Variants in HDAC9 observed in about 807,000 individuals in gnomAD.
The protein encoded by HDAC9 is histone deacetylase 9.
A neutral mutation model predicts 139.4 loss-of-function variants in HDAC9; 41 were observed. The ratio of observed to expected loss-of-function variants is 0.29; its 90% confidence interval spans 0.23 to 0.38. The LOEUF is 0.38. Among genes scored for constraint, HDAC9 ranks in the 10% least tolerant of loss-of-function variants. The pLI is 1.00. For missense variants in HDAC9, 1,147 were observed against 1,297.0 expected, an observed-to-expected ratio of 0.88 and a Z score of 1.78; for synonymous variants, 517 against 476.2, an observed-to-expected ratio of 1.09 and a Z score of -1.12.
intron 2 of HDAC9, among the ~76,000 whole-genome samples, chr7:18,582,383 G>T (rs149728469): frequency 6.6e-6 from 1 of 152,134 alleles, no homozygotes; most frequent in African/African-American, 2.4e-5. Context: ...TTTAAAAACC[G>T]TGGTAGAATA....
intron 2 of HDAC9, among the ~76,000 whole-genome samples, chr7:18,249,813 T>C (rs927166733): frequency 6.6e-6 from 1 of 152,184 alleles, no homozygotes; most frequent in African/African-American, 2.4e-5. Flanking sequence ...TTTTAATGAA[T>C]AGGTTATACT....
chr7:18,861,867 C>A (rs1160561862), intron 21 of HDAC9, among the ~76,000 whole-genome samples: 1 of 152,142 alleles, frequency 6.6e-6, no homozygotes, highest in Non-Finnish European at 1.5e-5. Flanking sequence ...CACACACACG[C>A]ATATTCCTAA....
At chr7:18,971,404 T>C (rs1022520235) in intron 24 of HDAC9, among the ~76,000 whole-genome samples, 1 of 152,212 alleles carries the variant, frequency 6.6e-6, no homozygotes, top group African/African-American at 2.4e-5. Flanking sequence ...TATTTGACTT[T>C]ATGAATAACA....
intron 1 of HDAC9, chr7:18,430,865 C>T (rs1790579378): frequency 1.3e-5 from 2 of 152,300 alleles, no homozygotes; most frequent in Non-Finnish European, 2.9e-5. Context: ...CCATCCTGGA[C>T]AACAGAGTGA....
intron 2 of HDAC9, among the ~76,000 whole-genome samples, chr7:18,569,621 A>G (rs1008393925): frequency 6.6e-6 from 1 of 152,238 alleles, no homozygotes. Flanking sequence ...TCTGCCAGAA[A>G]TAGAAATTCT....
chr7:18,962,965 T>A (rs1783619322), intron 24 of HDAC9, among the ~76,000 whole-genome samples: 1 of 152,178 alleles, frequency 6.6e-6, no homozygotes, highest in South Asian at 2.1e-4. Flanking sequence ...CCACTTTGTT[T>A]CGATTAAAGG....
intron 2 of HDAC9, 32 bp from the exon 3 acceptor site, chr7:18,585,249 C>A (rs769429748): frequency 3.2e-5 from 51 of 1,606,352 alleles, no homozygotes; most frequent in Non-Finnish European, 3.9e-5. Flanking sequence ...TACCCTCCCC[C>A]ACCCCATTTC....
rs544013003 is a variant in HDAC9 at position 18,789,466 on chromosome 7, A to T, written c.2215-3879A>T. The stretch of plus-strand genomic sequence containing the variant: ...TTCTATTTTTAAGAATTTGCCTTGC[A>T]TGTCTTCTCAACTTTAGCAAGACCT... On this transcript the variant is annotated intron_variant, in intron 16 of 25. Coordinates refer to ENST00000686413, the MANE Select transcript of HDAC9 (RefSeq NM_178425.4). Among the ~76,000 whole-genome samples the T allele has an allele frequency of 8.5e-5, 13 of 152,302 alleles. No homozygotes were observed. The South Asian group carries it at 2.7e-3, about 32-fold the overall frequency.
intron 1 of HDAC9, among the ~76,000 whole-genome samples, chr7:18,409,012 C>T (rs1788277928): frequency 6.6e-6 from 1 of 152,116 alleles, no homozygotes; most frequent in South Asian, 2.1e-4. Context: ...TTTATGCCCT[C>T]CATAAGGATG....
chr7:18,529,827 G>T (rs1159784547), intron 2 of HDAC9, among the ~76,000 whole-genome samples: 1 of 151,930 alleles, frequency 6.6e-6, no homozygotes, highest in South Asian at 2.1e-4. Flanking sequence ...GATCTGATGT[G>T]GTTCATGATT....
chr7:18,244,327 G>A (rs968239111), intron 2 of HDAC9, among the ~76,000 whole-genome samples: 2 of 151,944 alleles, frequency 1.3e-5, no homozygotes, highest in Admixed American at 1.3e-4. Flanking sequence ...GAAATGAAGT[G>A]GTATTTTCTA....
chr7:18,717,440 T>G (rs1042165146), intron 12 of HDAC9, among the ~76,000 whole-genome samples: 1 of 151,756 alleles, frequency 6.6e-6, no homozygotes, highest in Non-Finnish European at 1.5e-5. Context: ...CCTTTTTTTT[T>G]TTTTTTTTGA....
chr7:18,095,988 A>T (rs986048164), intron 1 of HDAC9, among the ~76,000 whole-genome samples: 2 of 152,234 alleles, frequency 1.3e-5, no homozygotes, highest in African/African-American at 4.8e-5. Flanking sequence ...CAGGATAATC[A>T]GGCTTTACAC....
At chr7:18,541,586 A>G (rs1812977428) in intron 2 of HDAC9, among the ~76,000 whole-genome samples, 1 of 152,168 alleles carries the variant, frequency 6.6e-6, no homozygotes, top group South Asian at 2.1e-4. Context: ...ATTTGCTTGC[A>G]AGCATTGTGG....
At chr7:18,672,777 G>T (rs1795741977) in intron 12 of HDAC9, among the ~76,000 whole-genome samples, 2 of 151,918 alleles carry the variant, frequency 1.3e-5, no homozygotes, top group African/African-American at 4.8e-5. Context: ...TTTTCAAAGA[G>T]ATATGAACTT....
rs149295976 is a variant in HDAC9 at position 18,704,714 on chromosome 7, A to T, written c.1732-22866A>T. On this transcript the variant is annotated intron_variant, in intron 12 of 25. Coordinates refer to ENST00000686413, the MANE Select transcript of HDAC9 (RefSeq NM_178425.4). ...TGAAAAATTAAATTTGATTTTAAACATCTGAGGAGCAGGAAAGGTATTCTC... is the reference window on the plus strand; with the variant it reads ...TGAAAAATTAAATTTGATTTTAAACTTCTGAGGAGCAGGAAAGGTATTCTC... Among the ~76,000 whole-genome samples the T allele has an allele frequency of 3.4e-3, 511 of 152,342 alleles. 5 individuals carry two copies. Among genetic ancestry groups the T allele is most frequent in the South Asian group, 0.026 (125 of 4,828 alleles).
chr7:18,967,491 A>G (rs184056223), intron 24 of HDAC9, among the ~76,000 whole-genome samples: 1,400 of 137,868 alleles, frequency 0.01, 39 homozygotes, highest in African/African-American at 0.04. Flanking sequence ...TTTGTAAATA[A>G]AGTTGCCCCC....
intron 12 of HDAC9, among the ~76,000 whole-genome samples, chr7:18,675,275 C>T (rs1328775368): frequency 2.0e-5 from 3 of 151,984 alleles, no homozygotes; most frequent in Non-Finnish European, 2.9e-5. Context: ...CTGCCTCGTA[C>T]GGTAATATTG....
At chr7:18,805,842 C>T (rs1793660754) in intron 17 of HDAC9, among the ~76,000 whole-genome samples, 1 of 152,124 alleles carries the variant, frequency 6.6e-6, no homozygotes, top group Non-Finnish European at 1.5e-5. Context: ...TTCCTTCTTC[C>T]CAGTCTCCAG....
Sources: allele counts gnomAD v4.1 joint callset (sites outside exome capture counted in the v4.1 genomes callset), GRCh38; gene constraint gnomAD v4.1.1; transcripts MANE v1.5; gene names NCBI Gene and HGNC (gene_info 2026-07-23, HGNC 2026-07-21).